HPD: variants seen among roughly 807,000 people sequenced by gnomAD.
HPD encodes 4-hydroxyphenylpyruvic acid oxidase.
HPD carries 35 observed loss-of-function variants against 56.9 expected under a neutral mutation model. That is an observed-to-expected ratio of 0.62 (90% CI 0.47 to 0.82). The LOEUF is 0.82. Ranked by LOEUF, HPD falls within the 40% of genes least tolerant of loss-of-function variation. The pLI is 0.00. For synonymous variants in HPD, 186 were observed against 200.2 expected (o/e 0.93, Z 0.60); for missense variants, 442 against 506.8 (o/e 0.87, Z 1.23).
chr12:121,876,045 C>T, the HPD span, among the ~76,000 whole-genome samples: 8 of 152,166 alleles, frequency 5.3e-5, no homozygotes, highest in African/African-American at 1.9e-4. Flanking sequence ...GGCGTGGTGG[C>T]TCACGCCTGT....
At chr12:121,856,912 C>T in intron 4 of HPD, 1 of 534,858 alleles carries the variant, frequency 1.9e-6, no homozygotes, top group East Asian at 3.3e-5. Context: ...TTCCTCTCCT[C>T]TGATATCCCA....
chr12:121,852,417 G>A (rs994039804), intron 7 of HPD, among the ~76,000 whole-genome samples: 2 of 151,882 alleles, frequency 1.3e-5, no homozygotes, highest in East Asian at 1.9e-4. Flanking sequence ...TGATCCTCCT[G>A]CCTCAGCCTC....
In HPD at chr12:121,857,508, G is replaced by A. The variant is rs554855850; in HGVS notation, c.94-76C>T. 1.3e-3 allele frequency: 1,436 copies of A among 1,131,792 alleles called. 2 individuals carry two copies. The highest frequency in any genetic ancestry group is 1.7e-3 in the Non-Finnish European group (1,241 of 743,656). The allele number at this position is 1,131,792 out of a possible 1,614,324, so 70.1% of individuals were successfully genotyped here. A position where few individuals can be genotyped will look rare whatever the true frequency, so the allele number is the denominator to read the frequency against. On this transcript the variant is annotated intron_variant, in intron 3 of 13. Coordinates refer to ENST00000289004, the MANE Select transcript of HPD (RefSeq NM_002150.3). ...GGGGACTTCCGCAAGAGAGCCCCTG[G>A]CCCCCCTCAGCCTGCCTGCCCTATT...
chr12:121,839,971 G>T lies in HPD; in HGVS notation c.1032C>A (p.Pro344=). The T allele has an allele frequency of 6.2e-7, 1 of 1,613,946 alleles. No individual in the cohort carries two copies. Among genetic ancestry groups the T allele is most frequent in the Non-Finnish European group, 8.5e-7 (1 of 1,179,924 alleles). The change falls in exon 13 of 14, where the codon CCC becomes CCA. Residue 344 remains proline (P), a synonymous_variant. Transcript: ENST00000289004. ...QIFTKPVQDR[P]TLFLEVIQRH... Reference sequence around the variant, plus strand: ...GCTGGATGACTTCCAGGAAGAGCGTGGGCCGGTCCTGCACCGGTTTGGTGA... The same window carrying T: ...GCTGGATGACTTCCAGGAAGAGCGTTGGCCGGTCCTGCACCGGTTTGGTGA...
intron 11 of HPD, among the ~76,000 whole-genome samples, chr12:121,844,749 T>C (rs1412934458): frequency 6.0e-5 from 9 of 150,788 alleles, no homozygotes; most frequent in Non-Finnish European, 1.2e-4. Context: ...GGCGTGGTGG[T>C]GGGAGCGTGT....
At chr12:121,846,535 A>T (rs1877589548) in intron 11 of HPD, among the ~76,000 whole-genome samples, 1 of 152,078 alleles carries the variant, frequency 6.6e-6, no homozygotes, top group South Asian at 2.1e-4. Context: ...CTGATTTTTA[A>T]GGTAAGGCAA....
the HPD span, among the ~76,000 whole-genome samples, chr12:121,869,604 A>T: frequency 6.7e-6 from 1 of 150,052 alleles, no homozygotes; most frequent in South Asian, 2.1e-4. Context: ...GGCCCACTGC[A>T]ACCTCTGCCT....
At chr12:121,862,419 T>G (rs528838827), upstream of HPD, among the ~76,000 whole-genome samples, 1 of 151,606 alleles carries the variant, frequency 6.6e-6, no homozygotes, top group African/African-American at 2.4e-5. Context: ...TGTCTCAGCA[T>G]CCCAAGTAGC....
chr12:121,870,595 G>GTTTTTTT, the HPD span, among the ~76,000 whole-genome samples: 1 of 123,288 alleles, frequency 8.1e-6, no homozygotes, highest in Non-Finnish European at 1.7e-5. Flanking sequence ...GCTATTGAAG[G>GTTTTTTT]TTTTTTTTTT....
chr12:121,885,759 T>C, the HPD span, among the ~76,000 whole-genome samples: 2 of 151,354 alleles, frequency 1.3e-5, no homozygotes, highest in Non-Finnish European at 2.9e-5. Context: ...GGTCAGGAGT[T>C]CTAGACCAGT....
At chr12:121,881,699 T>G in the HPD span, among the ~76,000 whole-genome samples, 1 of 151,658 alleles carries the variant, frequency 6.6e-6, no homozygotes, top group East Asian at 2.0e-4. Flanking sequence ...CAGTCTGGAG[T>G]GCAGTGGTGC....
intron 4 of HPD, chr12:121,857,068 G>C: frequency 1.9e-6 from 1 of 521,012 alleles, no homozygotes; most frequent in Non-Finnish European, 3.5e-6. Flanking sequence ...TGTTGTTGGG[G>C]TTTTTTGTTG....
chr12:121,843,850 T>G lies in HPD; in HGVS notation c.832-18A>C, dbSNP rs766814967. 1 of 1,614,040 alleles carries G rather than the reference T, an allele frequency of 6.2e-7. No homozygotes were observed. The highest frequency in any genetic ancestry group is 1.1e-5 in the South Asian group (1 of 91,072). On this transcript the variant is annotated intron_variant, in intron 11 of 13. Coordinates refer to ENST00000289004, the MANE Select transcript of HPD (RefSeq NM_002150.3). ...TGGCGAATCTGTTTCAGAGCAAAGCTGAGGTCAGCCTTCGGCCTCCAAGTT... is the reference window on the plus strand; with the variant it reads ...TGGCGAATCTGTTTCAGAGCAAAGCGGAGGTCAGCCTTCGGCCTCCAAGTT...
At chr12:121,881,557 G>A in the HPD span, among the ~76,000 whole-genome samples, 1 of 152,018 alleles carries the variant, frequency 6.6e-6, no homozygotes, top group Non-Finnish European at 1.5e-5. Context: ...TGCCCCTTTA[G>A]GCTTAAGGGG....
intron 8 of HPD, among the ~76,000 whole-genome samples, chr12:121,849,452 G>T (rs1877691564): frequency 6.6e-6 from 1 of 152,060 alleles, no homozygotes; most frequent in Non-Finnish European, 1.5e-5. Context: ...ACTTGCCCAG[G>T]GTGAAATGGC....
At chr12:121,861,190 G>C (rs536819907), upstream of HPD, among the ~76,000 whole-genome samples, 4 of 152,214 alleles carry the variant, frequency 2.6e-5, no homozygotes, top group African/African-American at 9.6e-5. Context: ...ACAAAAATTA[G>C]CTGGGCATGG....
chr12:121,846,987 T>C, intron 10 of HPD, 54 bp from the exon 11 acceptor site: 9 of 1,613,112 alleles, frequency 5.6e-6, no homozygotes, highest in Non-Finnish European at 7.6e-6. Flanking sequence ...CCCACATCCC[T>C]GACCCTACAA....
Position 121,847,093 on chromosome 12 carries a change from T to C in HPD, c.718A>G (p.Ile240Val), listed in dbSNP as rs951674465. Residue 240 changes from isoleucine (I) to valine (V), a missense_variant, in exon 10 of 14, where the codon ATC (isoleucine) becomes GTC (valine). Physicochemically the swap from Ile to Val is conservative, Grantham distance 29. Transcript: ENST00000289004. ...ANYEESIKMP[I>V]NEPAPGKKKS... ...TTCTTGCCAGGCGCTGGCTCATTGA[T>C]GGGCATCTTGATGGACTCTTCATAG... The C allele has an allele frequency of 1.2e-6, 2 of 1,614,154 alleles. No homozygotes were observed. The highest frequency in any genetic ancestry group is 1.3e-5 in the African/African-American group (1 of 75,044).
chr12:121,853,573 G>A (rs1299761803), intron 7 of HPD, among the ~76,000 whole-genome samples: 1 of 147,574 alleles, frequency 6.8e-6, no homozygotes, highest in Non-Finnish European at 1.5e-5. Flanking sequence ...AGTGAGCCGA[G>A]ATCGTGCCAC....
Sources: gnomAD v4.1 joint callset for allele counts (sites outside exome capture counted in the v4.1 genomes callset) on GRCh38, gnomAD v4.1.1 for gene constraint, MANE v1.5 for transcripts, NCBI Gene and HGNC (gene_info 2026-07-23, HGNC 2026-07-21) for gene names.